Variants in TRIO observed in about 807,000 individuals in gnomAD.
TRIO encodes the protein triple functional domain protein.
Under a neutral mutation model 351.9 loss-of-function variants are expected in TRIO, and 58 were observed. That is an observed-to-expected ratio of 0.16 (90% CI 0.13 to 0.21). The LOEUF is 0.21. TRIO is among the 10% of genes least tolerant of loss of function. TRIO has a pLI of 1.00. For synonymous variants in TRIO, 1,758 were observed against 1,595.7 expected, an observed-to-expected ratio of 1.10 and a Z score of -2.42; for missense variants, 3,201 against 4,027.8, an observed-to-expected ratio of 0.79 and a Z score of 5.56.
intron 1 of TRIO, among the ~76,000 whole-genome samples, chr5:14,237,010 C>G (rs1408028339): frequency 3.3e-5 from 5 of 152,202 alleles, no homozygotes; most frequent in African/African-American, 7.2e-5. Flanking sequence ...TTGTAAGCCG[C>G]TGAGAGAGGA....
rs565148745 is a variant in TRIO at position 14,382,030 on chromosome 5, T to C, written c.3570+778T>C. Among the ~76,000 whole-genome samples the C allele has an allele frequency of 1.6e-4, 25 of 152,318 alleles. No individual in the cohort carries two copies. In the South Asian group the frequency reaches 5.2e-3, roughly 32 times the overall value. On this transcript the variant is annotated intron_variant, in intron 21 of 56. Coordinates refer to ENST00000344204, the MANE Select transcript of TRIO (RefSeq NM_007118.4). ...CCATTACAACCTGTGGGGTTGTTGT[T>C]TTTCAGAGTCTGAGTATACGTCCTT...
chr5:14,504,849 C>T (rs1757547759), intron 55 of TRIO, among the ~76,000 whole-genome samples: 1 of 146,692 alleles, frequency 6.8e-6, no homozygotes, highest in South Asian at 2.2e-4. Flanking sequence ...GCTCAGCCAA[C>T]CCGGAGATGC....
intron 2 of TRIO, among the ~76,000 whole-genome samples, chr5:14,271,605 A>T (rs918598398): frequency 6.6e-6 from 1 of 152,150 alleles, no homozygotes; most frequent in African/African-American, 2.4e-5. Flanking sequence ...CTTGGGTATT[A>T]TACCTTTTGG....
rs368226960 is a variant in TRIO, at chr5:14,388,652, T to C, written c.3921T>C (p.Tyr1307=). The change falls in exon 24 of 57, where the codon TAT becomes TAC. Residue 1307 remains tyrosine, a synonymous_variant. Coordinates refer to ENST00000344204, the MANE Select transcript of TRIO (RefSeq NM_007118.4). ...AGCTCATTCAAACTGAAAAGGCTTATGTAAGAGACCTCCGGGAATGTATGG... is the reference window on the plus strand; with the variant it reads ...AGCTCATTCAAACTGAAAAGGCTTACGTAAGAGACCTCCGGGAATGTATGG... ...MAELIQTEKA[Y]VRDLRECMDT... 2.5e-6 allele frequency: 4 copies of C among 1,613,608 alleles called. No individual in the cohort carries two copies. Among genetic ancestry groups the C allele is most frequent in the Admixed American group, 3.3e-5 (2 of 59,916 alleles).
intron 1 of TRIO, among the ~76,000 whole-genome samples, chr5:14,172,926 C>G (rs1312528153): frequency 1.3e-5 from 2 of 152,182 alleles, no homozygotes; most frequent in Admixed American, 6.5e-5. Context: ...TGTGAAAGAT[C>G]AGCGGTGGAG....
chr5:14,201,868 GA>G (rs1680254538), intron 1 of TRIO, among the ~76,000 whole-genome samples: 1 of 149,740 alleles, frequency 6.7e-6, no homozygotes, highest in Non-Finnish European at 1.5e-5. Context: ...ACAGTTTCAA[GA>G]AAAAAGTTGA....
chr5:14,410,147 C>A (rs531281640), intron 33 of TRIO, among the ~76,000 whole-genome samples: 17 of 152,330 alleles, frequency 1.1e-4, no homozygotes, highest in African/African-American at 4.1e-4. Context: ...TTACTCCGTT[C>A]TGGAGACCTG....
intron 1 of TRIO, among the ~76,000 whole-genome samples, chr5:14,249,152 A>G (rs887850986): frequency 6.6e-6 from 1 of 152,252 alleles, no homozygotes; most frequent in Admixed American, 6.5e-5. Flanking sequence ...GGCTTCTCCT[A>G]TGAAGGAAAA....
chr5:14,484,150 C>G (rs1014688889), intron 46 of TRIO, among the ~76,000 whole-genome samples: 7 of 152,314 alleles, frequency 4.6e-5, no homozygotes, highest in African/African-American at 1.7e-4. Flanking sequence ...ACCCATTCTT[C>G]TCACAAGTCT....
At chr5:14,318,409 C>T (rs950474755) in intron 9 of TRIO, among the ~76,000 whole-genome samples, 3 of 146,814 alleles carry the variant, frequency 2.0e-5, no homozygotes, top group African/African-American at 7.6e-5. Context: ...GAACCAAGAT[C>T]ACACAACTCC....
intron 1 of TRIO, among the ~76,000 whole-genome samples, chr5:14,236,074 A>T (rs1313412634): frequency 7.0e-6 from 1 of 143,616 alleles, no homozygotes; most frequent in East Asian, 2.1e-4. Context: ...TTTGTGGTAG[A>T]AACCAAGCTT....
At chr5:14,194,656 A>G (rs1790658641) in intron 1 of TRIO, among the ~76,000 whole-genome samples, 1 of 152,254 alleles carries the variant, frequency 6.6e-6, no homozygotes, top group Non-Finnish European at 1.5e-5. Context: ...TGCCAGTGGC[A>G]AAGTTGGTAA....
intron 9 of TRIO, among the ~76,000 whole-genome samples, chr5:14,328,057 T>C (rs1740549189): frequency 6.6e-6 from 1 of 152,208 alleles, no homozygotes; most frequent in Admixed American, 6.5e-5. Context: ...AATAATATAC[T>C]CAATGCATGA....
intron 53 of TRIO, among the ~76,000 whole-genome samples, chr5:14,500,072 CTA>C (rs1262571866): frequency 7.0e-6 from 1 of 141,876 alleles, no homozygotes; most frequent in Non-Finnish European, 1.5e-5. Flanking sequence ...AAAAAAAAGA[CTA>C]TTCATACCCT....
At chr5:14,352,036 A>C (rs893748237) in intron 11 of TRIO, among the ~76,000 whole-genome samples, 3 of 152,218 alleles carry the variant, frequency 2.0e-5, no homozygotes, top group African/African-American at 7.2e-5. Context: ...TGTGGGGCCC[A>C]TAGAGGCTTG....
chr5:14,245,669 G>A (rs552401693), intron 1 of TRIO, among the ~76,000 whole-genome samples: 23 of 152,316 alleles, frequency 1.5e-4, no homozygotes, highest in African/African-American at 5.5e-4. Flanking sequence ...GACCGTTTTT[G>A]CACCGAGTGG....
chr5:14,196,284 G>C (rs377240850), intron 1 of TRIO, among the ~76,000 whole-genome samples: 1 of 151,912 alleles, frequency 6.6e-6, no homozygotes, highest in African/African-American at 2.4e-5. Flanking sequence ...TTAGCTGGGC[G>C]TGGTGGCGTG....
chr5:14,401,608 A>G (rs894872725), intron 31 of TRIO, among the ~76,000 whole-genome samples: 2 of 152,204 alleles, frequency 1.3e-5, no homozygotes, highest in Non-Finnish European at 2.9e-5. Context: ...ATTCAAAACC[A>G]CTAGGGATGC....
At chr5:14,275,516 TA>T (rs966462573) in intron 2 of TRIO, among the ~76,000 whole-genome samples, 2 of 151,880 alleles carry the variant, frequency 1.3e-5, no homozygotes, top group African/African-American at 2.4e-5. Context: ...AAGGTATGGT[TA>T]AAAAAAATCT....
Sources: gnomAD v4.1 joint callset for allele counts (sites outside exome capture counted in the v4.1 genomes callset) on GRCh38, gnomAD v4.1.1 for gene constraint, MANE v1.5 for transcripts, NCBI Gene and HGNC (gene_info 2026-07-23, HGNC 2026-07-21) for gene names.